MSTN: variants seen among roughly 807,000 people sequenced by gnomAD.
MSTN encodes myostatin, also known as growth/differentiation factor 8.
In MSTN, 12 loss-of-function variants were observed where a neutral mutation model predicts 32.3. The ratio of observed to expected loss-of-function variants is 0.37; its 90% CI spans 0.24 to 0.60. The LOEUF (loss-of-function observed/expected upper bound fraction) is 0.60, where lower values mean the gene tolerates loss of function less well. Among genes scored for constraint, MSTN ranks in the 20% least tolerant of loss-of-function variants. The probability of loss-of-function intolerance (pLI) is 0.67; values close to 1 mark genes in which losing one functional copy is unlikely to be tolerated. For missense variants in MSTN, 403 were observed against 450.3 expected, an observed-to-expected ratio of 0.89 and a Z score of 0.95; for synonymous variants, 168 against 155.1, an observed-to-expected ratio of 1.08 and a Z score of -0.62.
In MSTN at chr2:190,062,413, T is replaced by G; in HGVS notation, c.184A>C (p.Ser62Arg). Reference sequence around the variant, plus strand: ...GGAGCTGTTTCCAGACGAAGTTTACTGAGGATTTGTATCTTAATGGCTTCT... The same window carrying G: ...GGAGCTGTTTCCAGACGAAGTTTACGGAGGATTTGTATCTTAATGGCTTCT... Reference protein sequence around the residue: ...RIEAIKIQILSKLRLETAPNI... With the variant: ...RIEAIKIQILRKLRLETAPNI... The change falls in exon 1 of 3, where the codon AGT becomes CGT. Residue 62 changes from serine (S) to arginine (R), a missense_variant. Physicochemically the swap from Ser to Arg is moderately radical, Grantham distance 110. Transcript: ENST00000260950. 1.9e-6 allele frequency: 3 copies of G among 1,613,522 alleles called. No homozygotes were observed. The highest frequency in any genetic ancestry group is 2.5e-6 in the Non-Finnish European group (3 of 1,179,604).
Position 190,060,397 on chromosome 2 carries a change from A to G in MSTN, c.412T>C (p.Cys138Arg), listed in dbSNP as rs1685560175. The change falls in exon 2 of 3, where the codon TGC becomes CGC. Residue 138 changes from cysteine (C) to arginine (R), a missense_variant. Transcript: ENST00000260950. The stretch of plus-strand genomic sequence containing the variant: ...ATTTTAGAGCTAAATTTAAAGAAGC[A>G]ACATTTGGGTTTTCCATCCACTTGC... Reference protein sequence around the residue: ...LMQVDGKPKCCFFKFSSKIQY... With the variant: ...LMQVDGKPKCRFFKFSSKIQY... 1 of 1,610,898 alleles carries G rather than the reference A, an allele frequency of 6.2e-7. No individual in the cohort carries two copies. The highest frequency in any genetic ancestry group is 1.1e-5 in the South Asian group (1 of 90,370).
At chr2:190,060,705 A>G (rs1685569900) in intron 1 of MSTN, among the ~76,000 whole-genome samples, 1 of 152,022 alleles carries the variant, frequency 6.6e-6, no homozygotes. Flanking sequence ...GGAAGGTTCT[A>G]TGAAGTAATG....
Position 190,060,392 on chromosome 2 carries a change from G to T in MSTN, c.417C>A (p.Phe139Leu). 6.2e-7 allele frequency: 1 copy of T among 1,610,796 alleles called. No homozygotes were observed. Among genetic ancestry groups the T allele is most frequent in the Non-Finnish European group, 8.5e-7 (1 of 1,178,592 alleles). ...MQVDGKPKCC[F>L]FKFSSKIQYN... ...ATTGTATTTTAGAGCTAAATTTAAA[G>T]AAGCAACATTTGGGTTTTCCATCCA... Residue 139 changes from phenylalanine (F) to leucine (L), a missense_variant, in exon 2 of 3, where the codon TTC (phenylalanine) becomes TTA (leucine). Transcript: ENST00000260950.
Position 190,057,313 on chromosome 2 carries a change from T to C in MSTN, c.1073A>G (p.Gln358Arg). 6.2e-7 allele frequency: 1 copy of C among 1,613,508 alleles called. No individual in the cohort carries two copies. Among genetic ancestry groups the C allele is most frequent in the Non-Finnish European group, 8.5e-7 (1 of 1,179,572 alleles). ...CGCTGGAATTTTCCCATATATTATTTGTTCTTTGCCATTAAAATATAGCAT... is the reference window on the plus strand; with the variant it reads ...CGCTGGAATTTTCCCATATATTATTCGTTCTTTGCCATTAAAATATAGCAT... ...INMLYFNGKE[Q>R]IIYGKIPAMV... Residue 358 changes from glutamine to arginine, a missense_variant, in exon 3 of 3, where the codon CAA (glutamine) becomes CGA (arginine). Transcript: ENST00000260950.
Position 190,060,350 on chromosome 2 carries a change from C to T in MSTN, c.459G>A (p.Lys153=). Residue 153 remains lysine, a synonymous_variant, in exon 2 of 3, where the codon AAG becomes AAA. Transcript: ENST00000260950. ...GTCTCAAATATATCCATAGTTGGGC[C>T]TTTACTACTTTATTGTATTGTATTT... ...SSKIQYNKVV[K]AQLWIYLRPV... is the part of the protein sequence containing the mutation. 6.2e-7 allele frequency: 1 copy of T among 1,612,498 alleles called. No individual in the cohort carries two copies. Among genetic ancestry groups the T allele is most frequent in the Non-Finnish European group, 8.5e-7 (1 of 1,179,036 alleles).
chr2:190,058,649 A>G (rs533439006), intron 2 of MSTN, among the ~76,000 whole-genome samples: 85 of 152,014 alleles, frequency 5.6e-4, no homozygotes, highest in Non-Finnish European at 9.1e-4. Context: ...TGTGGTATAT[A>G]TACACCATGG....
intron 2 of MSTN, 23 bp downstream of exon 2, chr2:190,060,039 T>A (rs781590083): frequency 6.2e-7 from 1 of 1,604,894 alleles, no homozygotes; most frequent in South Asian, 1.1e-5. Flanking sequence ...GTTATTATAA[T>A]GTTATTTTCA....
rs142074324 is a variant in MSTN, at chr2:190,057,570, A to G, written c.816T>C (p.Cys272=). 3 of 1,613,428 alleles carry G rather than the reference A, an allele frequency of 1.9e-6. No homozygotes were observed. The highest frequency in any genetic ancestry group is 2.7e-5 in the African/African-American group (2 of 74,890). Residue 272 remains cysteine (C), a synonymous_variant, in exon 3 of 3, where the codon TGT becomes TGC. Coordinates refer to ENST00000260950, the MANE Select transcript of MSTN (RefSeq NM_005259.3). ...KRSRRDFGLD[C]DEHSTESRCC... ...ATCGTGATTCTGTTGAGTGCTCATC[A>G]CAGTCAAGACCAAAATCCCTTCTGG... is the stretch of plus-strand genomic sequence containing the variant.
intron 2 of MSTN, among the ~76,000 whole-genome samples, chr2:190,059,116 TTATAAC>T (rs1251423634): frequency 6.6e-6 from 1 of 151,798 alleles, no homozygotes; most frequent in Admixed American, 6.6e-5. Flanking sequence ...TATATCATCT[TTATAAC>T]TAAGATCATT....
intron 2 of MSTN, 92 bp from the exon 3 acceptor site, chr2:190,057,730 T>A: frequency 7.2e-7 from 1 of 1,395,234 alleles, no homozygotes; most frequent in South Asian, 1.2e-5. Flanking sequence ...AGTAATAAAC[T>A]AATAATTTTG....
chr2:190,062,132 TG>T (rs1230016170), intron 1 of MSTN, 91 bp downstream of exon 1: 1 of 1,383,788 alleles, frequency 7.2e-7, no homozygotes, highest in Admixed American at 1.8e-5. Context: ...GCCAACAGCT[TG>T]TTTAAAAGAG....
At chr2:190,058,971 A>C (rs1257427774) in intron 2 of MSTN, among the ~76,000 whole-genome samples, 2 of 151,540 alleles carry the variant, frequency 1.3e-5, no homozygotes, top group Non-Finnish European at 2.9e-5. Context: ...GTACCCCCCA[A>C]CATATTGAAG....
Position 190,057,536 on chromosome 2 carries a change from A to C in MSTN, c.850T>G (p.Tyr284Asp). 2 of 1,613,588 alleles carry C rather than the reference A, an allele frequency of 1.2e-6. No individual in the cohort carries two copies. The highest frequency in any genetic ancestry group is 1.6e-4 in the Middle Eastern group (1 of 6,062). The change falls in exon 3 of 3, where the codon TAC becomes GAC. Residue 284 changes from tyrosine to aspartate, a missense_variant. Tyr to Asp is a radical substitution (Grantham distance 160, BLOSUM62 -3). Coordinates refer to ENST00000260950, the MANE Select transcript of MSTN (RefSeq NM_005259.3). ...EHSTESRCCRYPLTVDFEAFG... is the reference protein window; with the variant it reads ...EHSTESRCCRDPLTVDFEAFG... ...GCTTCAAAATCCACAGTTAGAGGGTAACGACAGCATCGTGATTCTGTTGAG... is the reference window on the plus strand; with the variant it reads ...GCTTCAAAATCCACAGTTAGAGGGTCACGACAGCATCGTGATTCTGTTGAG...
At chr2:190,061,401 A>G (rs1685590402) in intron 1 of MSTN, among the ~76,000 whole-genome samples, 1 of 152,014 alleles carries the variant, frequency 6.6e-6, no homozygotes, top group Non-Finnish European at 1.5e-5. Flanking sequence ...GTTATCTGTC[A>G]GAAGCAGTGT....
rs930920744 is a variant in MSTN, at chr2:190,062,540, A to C, written c.57T>G (p.Gly19=). 1.2e-6 allele frequency: 2 copies of C among 1,613,280 alleles called. No individual in the cohort carries two copies. Among genetic ancestry groups the C allele is most frequent in the Non-Finnish European group, 8.5e-7 (1 of 1,179,514 alleles). The change falls in exon 1 of 3, where the codon GGT becomes GGG. Residue 19 remains glycine, a synonymous_variant. Transcript: ENST00000260950. ...CACTGTTCTCATTTAGATCCACTGG[A>C]CCAGCAACAATCAGCATAAACAGGT... ...YIYLFMLIVA[G]PVDLNENSEQ...
At chr2:190,061,686 T>G (rs2105754460) in intron 1 of MSTN, among the ~76,000 whole-genome samples, 1 of 152,220 alleles carries the variant, frequency 6.6e-6, no homozygotes, top group East Asian at 1.9e-4. Context: ...TTGCATATTC[T>G]TCAGTGTAAT....
intron 2 of MSTN, among the ~76,000 whole-genome samples, chr2:190,058,705 C>T (rs1685508116): frequency 6.6e-6 from 1 of 151,872 alleles, no homozygotes; most frequent in Non-Finnish European, 1.5e-5. Flanking sequence ...TCTTTTGCAG[C>T]AAATTAGATG....
In MSTN at chr2:190,057,281, C is replaced by T. The variant is rs1467336063; in HGVS notation, c.1105G>A (p.Val369Ile). 1.9e-6 allele frequency: 3 copies of T among 1,613,292 alleles called. No individual in the cohort carries two copies. Among genetic ancestry groups the T allele is most frequent in the Non-Finnish European group, 2.5e-6 (3 of 1,179,456 alleles). The change falls in exon 3 of 3, where the codon GTA (valine) becomes ATA (isoleucine). Residue 369 changes from valine to isoleucine, a missense_variant. By Grantham distance (29) the Val-to-Ile change is conservative. Transcript: ENST00000260950. ...IIYGKIPAMV[V>I]DRCGCS Reference sequence around the variant, plus strand: ...TCTCATGAGCACCCACAGCGGTCTACTACCATCGCTGGAATTTTCCCATAT... The same window carrying T: ...TCTCATGAGCACCCACAGCGGTCTATTACCATCGCTGGAATTTTCCCATAT...
intron 1 of MSTN, among the ~76,000 whole-genome samples, chr2:190,061,804 C>T (rs1004267865): frequency 6.6e-6 from 1 of 150,942 alleles, no homozygotes; most frequent in Admixed American, 6.6e-5. Context: ...TAAGCTTAAA[C>T]ATCCAGCAAG....
Sources: gnomAD v4.1 joint callset for allele counts (sites outside exome capture counted in the v4.1 genomes callset) on GRCh38, gnomAD v4.1.1 for gene constraint, MANE v1.5 for transcripts, NCBI Gene and HGNC (gene_info 2026-07-23, HGNC 2026-07-21) for gene names.